Variants in ZFHX2 observed in about 807,000 individuals in gnomAD.
ZFHX2 encodes the protein zinc finger homeobox protein 2.
Under a neutral mutation model 164.8 loss-of-function variants are expected in ZFHX2, and 75 were observed. The observed-to-expected ratio is 0.46, with a 90% confidence interval of 0.38 to 0.55. The LOEUF is 0.55. Ranked by LOEUF, ZFHX2 falls within the 20% of genes least tolerant of loss-of-function variation. The probability of loss-of-function intolerance (pLI) is 0.00; values close to 1 mark genes in which losing one functional copy is unlikely to be tolerated. For missense variants in ZFHX2, 2,933 were observed against 3,308.0 expected (o/e 0.89, Z 2.78); for synonymous variants, 1,217 against 1,351.4 (o/e 0.90, Z 2.18).
In ZFHX2 at chr14:23,533,131, G is replaced by A. The variant is rs1156303826; in HGVS notation, c.2042-47C>T. ...GTGGCCCAAGAAAGAAATGGGGCAC[G>A]GTTGGTTCTCTATGTGGGGAGGTGG... On this transcript the variant is annotated intron_variant, in intron 2 of 9. Transcript: ENST00000419474. This position sits in a 1 kb window ranked among gnomAD's most constrained non-coding sequence, Gnocchi z 4.8. 24 of 1,473,084 alleles carry A rather than the reference G, an allele frequency of 1.6e-5. No homozygotes were observed. In the African/African-American group the frequency reaches 2.4e-4, roughly 15 times the overall value. The allele number at this position is 1,473,084 out of a possible 1,614,324, so 91.3% of individuals were successfully genotyped here. A position where few individuals can be genotyped will look rare whatever the true frequency, so the allele number is the denominator to read the frequency against.
At chr14:23,529,850 T>C (rs1444754733) in intron 5 of ZFHX2, 82 bp from the exon 6 acceptor site, 162 of 1,400,618 alleles carry the variant, frequency 1.2e-4, no homozygotes, top group Non-Finnish European at 1.5e-4. Context: ...GGGTAGGGAG[T>C]TGGGCACTAG....
Position 23,522,598 on chromosome 14 carries a change from G to A in ZFHX2, c.7083C>T (p.Val2361=). 6.5e-7 allele frequency: 1 copy of A among 1,529,620 alleles called. No homozygotes were observed. 94.8% of individuals were successfully genotyped at this position (1,529,620 alleles called of 1,614,324 possible). A position where few individuals can be genotyped will look rare whatever the true frequency, so the allele number is the denominator to read the frequency against. ...PPAGGTAPPA[V]FGPQLQGAYF... is the part of the protein sequence containing the mutation. Reference sequence around the variant, plus strand: ...AGGCCCCCTGTAGCTGGGGGCCAAAGACAGCTGGCGGTGCTGTTCCCCCAG... The same window carrying A: ...AGGCCCCCTGTAGCTGGGGGCCAAAAACAGCTGGCGGTGCTGTTCCCCCAG... Residue 2361 remains valine, a synonymous_variant, in exon 10 of 10, where the codon GTC becomes GTT. Transcript: ENST00000419474.
At position 23,525,620 on chromosome 14, in the gene ZFHX2, T is replaced by C; in HGVS notation, c.4322A>G (p.Lys1441Arg). The C allele has an allele frequency of 6.5e-7, 1 of 1,535,790 alleles. No individual in the cohort carries two copies. The highest frequency in any genetic ancestry group is 2.4e-5 in the East Asian group (1 of 40,874). ...AAAGCCAAAGTTTTCTAGAAGGGCTTTGGCTGCAGTGCGGGCAGCCTCGTT... is the reference window on the plus strand; with the variant it reads ...AAAGCCAAAGTTTTCTAGAAGGGCTCTGGCTGCAGTGCGGGCAGCCTCGTT... Reference protein sequence around the residue: ...LPNEAARTAAKALLENFGFEL... With the variant: ...LPNEAARTAARALLENFGFEL... Residue 1441 changes from lysine (K) to arginine (R), a missense_variant, in exon 9 of 10, where the codon AAA (lysine) becomes AGA (arginine). By Grantham distance (26) the Lys-to-Arg change is conservative (BLOSUM62 2). Coordinates refer to ENST00000419474, the MANE Select transcript of ZFHX2 (RefSeq NM_033400.3). The surrounding 1 kb of genome is among the most constrained non-coding windows in gnomAD (Gnocchi z 5.9).
At chr14:23,527,851 G>C in intron 6 of ZFHX2, 47 bp from the exon 7 acceptor site, 2 of 1,512,006 alleles carry the variant, frequency 1.3e-6, no homozygotes, top group East Asian at 2.5e-5. Flanking sequence ...GGAAGGATGG[G>C]ACCCACCATC....
In ZFHX2 at chr14:23,551,120, CTCCCACACCCCTGT is replaced by C. The variant is rs1881909396; in HGVS notation, c.-50+209_-50+222del. Among the ~76,000 whole-genome samples the C allele has an allele frequency of 6.6e-6, 1 of 151,984 alleles. No individual in the cohort carries two copies. The highest frequency in any genetic ancestry group is 1.5e-5 in the Non-Finnish European group (1 of 67,992). ...CCCCATCCTCGCGCACGCCCTCTTC[CTCCCACACCCCTGT>C]CTGCTATCTCCCAGGGCTCTCGGTC... On this transcript the variant is annotated intron_variant, in intron 1 of 9. Transcript: ENST00000419474. The surrounding 1 kb of genome is among the most constrained non-coding windows in gnomAD (Gnocchi z 5.3).
Position 23,533,355 on chromosome 14 carries a change from G to C in ZFHX2, c.1971C>G (p.Pro657=), listed in dbSNP as rs1879799873. 1.4e-6 allele frequency: 2 copies of C among 1,441,330 alleles called. No individual in the cohort carries two copies. Among genetic ancestry groups the C allele is most frequent in the Non-Finnish European group, 9.1e-7 (1 of 1,102,126 alleles). The allele number at this position is 1,441,330 out of a possible 1,614,324, so 89.3% of individuals were successfully genotyped here. ...CATTGAGAAGTAGCTGGGCTTCCAG[G>C]GGCTTGTCTGGCCTCAGCCCCGGGC... The part of the protein sequence containing the change: ...LAGPGLRPDK[P]LEAQLLLNGF... The change falls in exon 2 of 10, where the codon CCC becomes CCG. Residue 657 remains proline, a synonymous_variant. Transcript: ENST00000419474. The surrounding 1 kb of genome is among the most constrained non-coding windows in gnomAD (Gnocchi z 4.8).
intron 1 of ZFHX2, among the ~76,000 whole-genome samples, chr14:23,540,238 G>A (rs1458999364): frequency 1.3e-5 from 2 of 152,126 alleles, no homozygotes; most frequent in African/African-American, 2.4e-5. Flanking sequence ...CAATCTGCCC[G>A]CTTTGGCCTC....
chr14:23,527,496 C>T (rs886625619), intron 7 of ZFHX2, 108 bp downstream of exon 7: 1 of 1,402,240 alleles, frequency 7.1e-7, no homozygotes. Flanking sequence ...GCCTGAATGC[C>T]CCCTGCCCCC....
At position 23,551,674 on chromosome 14, in the gene ZFHX2, T is replaced by TCTCCTCCTC. The variant is rs905883602; in HGVS notation, c.-390_-382dup. On this transcript the variant is annotated 5_prime_UTR_variant, in exon 1 of 10. Transcript: ENST00000419474. This position sits in a 1 kb window ranked among gnomAD's most constrained non-coding sequence, Gnocchi z 5.3. ...CCTGCCTCCTCCTCCTCCTCCTCCT[T>TCTCCTCCTC]CTCCTCCTCGCCCTCCTCCTCCTCC... is the stretch of plus-strand genomic sequence containing the variant. 6.6e-6 allele frequency: 1 copy of TCTCCTCCTC among 151,636 alleles called. No individual in the cohort carries two copies. The highest frequency in any genetic ancestry group is 1.5e-5 in the Non-Finnish European group (1 of 68,756). 9.4% of individuals were successfully genotyped at this position (151,636 alleles called of 1,614,324 possible).
intron 4 of ZFHX2, 183 bp downstream of exon 4, chr14:23,531,297 GT>G: frequency 1.1e-6 from 1 of 878,408 alleles, no homozygotes; most frequent in East Asian, 3.3e-5. Context: ...TCCACTCAAG[GT>G]AGCCTCCACA....
Position 23,526,248 on chromosome 14 carries a change from C to T in ZFHX2, c.3694G>A (p.Gly1232Arg), listed in dbSNP as rs921021772. The T allele has an allele frequency of 7.4e-5, 114 of 1,536,128 alleles. No homozygotes were observed. Among genetic ancestry groups the T allele is most frequent in the Non-Finnish European group, 9.1e-5 (104 of 1,146,904 alleles). The change falls in exon 9 of 10, where the codon GGA becomes AGA. Residue 1232 changes from glycine to arginine, a missense_variant. By Grantham distance (125) the Gly-to-Arg change is moderately radical (BLOSUM62 -2). Transcript: ENST00000419474. ...AAIDPSAPARGEAGAPPTTTA... is the reference protein window; with the variant it reads ...AAIDPSAPARREAGAPPTTTA... ...GTGGTGGGTGGGGCACCGGCCTCTC[C>T]CCGTGCAGGGGCAGAGGGGTCAATG...
At chr14:23,540,902 C>A (rs962490293) in intron 1 of ZFHX2, among the ~76,000 whole-genome samples, 4 of 151,558 alleles carry the variant, frequency 2.6e-5, no homozygotes, top group Non-Finnish European at 5.9e-5. Flanking sequence ...ACCCCTTTTT[C>A]TTTTTTCTCT....
rs1878697303 is a variant in ZFHX2, at chr14:23,526,254, C to T, written c.3688G>A (p.Ala1230Thr). 2.0e-6 allele frequency: 3 copies of T among 1,536,302 alleles called. No individual in the cohort carries two copies. Among genetic ancestry groups the T allele is most frequent in the Non-Finnish European group, 2.6e-6 (3 of 1,146,910 alleles). Reference sequence around the variant, plus strand: ...GGTGGGGCACCGGCCTCTCCCCGTGCAGGGGCAGAGGGGTCAATGGCAGCC... The same window carrying T: ...GGTGGGGCACCGGCCTCTCCCCGTGTAGGGGCAGAGGGGTCAATGGCAGCC... The part of the protein sequence containing the change: ...KKAAIDPSAP[A>T]RGEAGAPPTT... Residue 1230 changes from alanine (A) to threonine (T), a missense_variant, in exon 9 of 10, where the codon GCA (alanine) becomes ACA (threonine). By Grantham distance (58) the Ala-to-Thr change is moderately conservative. Transcript: ENST00000419474.
chr14:23,535,568 T>G lies in ZFHX2; in HGVS notation c.-49-194A>C, dbSNP rs931260058. Among the ~76,000 whole-genome samples the G allele has an allele frequency of 1.3e-5, 2 of 152,098 alleles. No individual in the cohort carries two copies. The highest frequency in any genetic ancestry group is 2.4e-5 in the African/African-American group (1 of 41,414). ...TGTCCAACATCAGAACTCTTCATTT[T>G]ATTTATTTTATTTTATTTTATTAAT... is the stretch of plus-strand genomic sequence containing the variant. On this transcript the variant is annotated intron_variant, in intron 1 of 9. Coordinates refer to ENST00000419474, the MANE Select transcript of ZFHX2 (RefSeq NM_033400.3). This position sits in a 1 kb window ranked among gnomAD's most constrained non-coding sequence, Gnocchi z 4.5.
At chr14:23,537,737 A>G (rs970663019) in intron 1 of ZFHX2, among the ~76,000 whole-genome samples, 1 of 152,186 alleles carries the variant, frequency 6.6e-6, no homozygotes, top group Non-Finnish European at 1.5e-5. Context: ...GAAGCCCTCA[A>G]GTTGAGGGAG....
chr14:23,531,496 G>C lies in ZFHX2; in HGVS notation c.2785C>G (p.Gln929Glu), dbSNP rs1353142804. ...LQSILSFSHG[Q>E]LRTPGKAPVT... ...TCTTCCTCACCGGGAGTCCGGAGCT[G>C]CCCGTGGCTGAAGCTCAGGATGCTC... Residue 929 changes from glutamine (Q) to glutamate (E), a missense_variant, in exon 4 of 10, where the codon CAG (glutamine) becomes GAG (glutamate). Gln to Glu is a conservative substitution (Grantham distance 29). Coordinates refer to ENST00000419474, the MANE Select transcript of ZFHX2 (RefSeq NM_033400.3). 7.0e-7 allele frequency: 1 copy of C among 1,432,720 alleles called. No individual in the cohort carries two copies. Among genetic ancestry groups the C allele is most frequent in the Non-Finnish European group, 9.2e-7 (1 of 1,086,226 alleles). 88.8% of individuals were successfully genotyped at this position (1,432,720 alleles called of 1,614,324 possible).
At chr14:23,529,684 C>T in intron 6 of ZFHX2, 26 bp downstream of exon 6, 2 of 1,534,744 alleles carry the variant, frequency 1.3e-6, no homozygotes, top group Non-Finnish European at 1.7e-6. Flanking sequence ...CCCACTTCAG[C>T]TCTTCCCAGT....
chr14:23,530,629 CTCAAGTAAGAATTGACAGAT>C (rs1433117909), intron 4 of ZFHX2: 1 of 352,532 alleles, frequency 2.8e-6, no homozygotes, highest in East Asian at 7.9e-5. Context: ...GAGATTACCG[CTCAAGTAAGAATTGACAGAT>C]GTGTAGGAAT....
In ZFHX2 at chr14:23,549,554, G is replaced by A. The variant is rs74908833; in HGVS notation, c.-50+1789C>T. On this transcript the variant is annotated intron_variant, in intron 1 of 9. Transcript: ENST00000419474. ...AAACACTGCCTCATTAAAAAAAAAT[G>A]GTGCTGGATCTAAATATGATAGTAG... Among the ~76,000 whole-genome samples the A allele has an allele frequency of 7.7e-4, 117 of 152,144 alleles. 3 individuals are homozygous for A. In the East Asian group the frequency reaches 0.018, roughly 23 times the overall value.
Sources: gnomAD v4.1 joint callset for allele counts (sites outside exome capture counted in the v4.1 genomes callset) on GRCh38, gnomAD v4.1.1 for gene constraint, Gnocchi (gnomAD v3.1) non-coding constraint, MANE v1.5 for transcripts, NCBI Gene and HGNC (gene_info 2026-07-23, HGNC 2026-07-21) for gene names.